The following NCAPG2 variants were observed in gnomAD, a reference collection of about 807,000 sequenced individuals.
NCAPG2 encodes the protein condensin-2 complex subunit G2.
In NCAPG2, 53 loss-of-function variants were observed where a neutral mutation model predicts 141.1. The ratio of observed to expected loss-of-function variants is 0.38; its 90% CI spans 0.30 to 0.47. The LOEUF (loss-of-function observed/expected upper bound fraction) is 0.47. Ranked by LOEUF, NCAPG2 falls within the 20% of genes least tolerant of loss-of-function variation. The pLI is 0.99. For missense variants in NCAPG2, 1,087 were observed against 1,389.0 expected, an observed-to-expected ratio of 0.78 and a Z score of 3.46; for synonymous variants, 499 against 490.7, an observed-to-expected ratio of 1.02 and a Z score of -0.22.
rs539867673 is a variant in NCAPG2 at position 158,637,604 on chromosome 7, C to T, written c.3381-5887G>A. 4.1e-4 allele frequency among the ~76,000 whole-genome samples: 62 copies of T among 152,384 alleles called. 1 individual carries two copies. In the East Asian group the frequency reaches 0.011, roughly 26 times the overall value. The stretch of plus-strand genomic sequence containing the variant: ...CAGCAGCTCCCCAGCACCTCCCCTG[C>T]GATGGCTCCACATCCCCCCGGCCCA... On this transcript the variant is annotated intron_variant, in intron 27 of 27. Transcript: ENST00000356309.
intron 13 of NCAPG2, among the ~76,000 whole-genome samples, chr7:158,667,522 T>TTACCCACTACTGGGTCCCTCCGCCCTC (rs1563539569): frequency 1.2e-4 from 2 of 16,946 alleles, no homozygotes; most frequent in African/African-American, 2.3e-4. Context: ...CCCTCCGCCC[T>TTACCCACTACTGGGTCCCTCCGCCCTC]CCTTACCTAC....
intron 1 of NCAPG2, among the ~76,000 whole-genome samples, chr7:158,703,064 A>G (rs1587325971): frequency 6.6e-6 from 1 of 152,226 alleles, no homozygotes; most frequent in Non-Finnish European, 1.5e-5. Flanking sequence ...GTAACATTCT[A>G]GGAGCAGTAG....
chr7:158,695,106 G>C (rs953349204), intron 2 of NCAPG2, among the ~76,000 whole-genome samples: 4 of 152,212 alleles, frequency 2.6e-5, no homozygotes, highest in African/African-American at 9.6e-5. Context: ...TCAATGGACA[G>C]TTTTGGTGCT....
intron 13 of NCAPG2, 65 bp downstream of exon 13, chr7:158,671,449 C>T (rs1039415446): frequency 6.3e-7 from 1 of 1,579,760 alleles, no homozygotes; most frequent in Admixed American, 1.7e-5. Context: ...AAACTACTTT[C>T]TTTCTGTTTG....
At chr7:158,692,644 G>A (rs1224406699) in intron 4 of NCAPG2, among the ~76,000 whole-genome samples, 198 bp downstream of exon 4, 2 of 152,228 alleles carry the variant, frequency 1.3e-5, no homozygotes, top group Non-Finnish European at 2.9e-5. Flanking sequence ...GGGAGGCTGA[G>A]GCAAGAGAAT....
intron 24 of NCAPG2, among the ~76,000 whole-genome samples, chr7:158,649,729 G>T (rs12540177): frequency 2.0e-5 from 3 of 151,968 alleles, no homozygotes; most frequent in Non-Finnish European, 4.4e-5. Flanking sequence ...TATGATTCAC[G>T]TAAATATTAA....
chr7:158,650,953 C>T lies in NCAPG2; in HGVS notation c.2954G>A (p.Arg985Lys). Residue 985 changes from arginine (R) to lysine (K), a missense_variant, in exon 24 of 28, where the codon AGG becomes AAG. Physicochemically the swap from Arg to Lys is conservative, Grantham distance 26. Coordinates refer to ENST00000356309, the MANE Select transcript of NCAPG2 (RefSeq NM_017760.7). ...AGCAGTAATGAACTCATGAAGAGGC[C>T]TCTGAACAGAATAAAGCAGCTACAA... is the stretch of plus-strand genomic sequence containing the variant. ...EGLRLLYSVQ[R>K]PLHEFITAVQ... 1 of 1,607,422 alleles carries T rather than the reference C, an allele frequency of 6.2e-7. No homozygotes were observed. Among genetic ancestry groups the T allele is most frequent in the Non-Finnish European group, 8.5e-7 (1 of 1,178,092 alleles).
rs73516492 is a variant in NCAPG2, at chr7:158,688,652, C to G, written c.672+1167G>C. 7.3e-3 allele frequency among the ~76,000 whole-genome samples: 1,110 copies of G among 152,334 alleles called. 43 individuals are homozygous for G. In the East Asian group the frequency reaches 0.11, roughly 16 times the overall value. ...TGCGGTTTGATACATATTACCTCAT[C>G]TGTTCCTAACAACAATCCTGTGAAA... On this transcript the variant is annotated intron_variant, in intron 6 of 27. Coordinates refer to ENST00000356309, the MANE Select transcript of NCAPG2 (RefSeq NM_017760.7).
At chr7:158,653,429 A>G (rs1294265988) in intron 22 of NCAPG2, among the ~76,000 whole-genome samples, 1 of 151,806 alleles carries the variant, frequency 6.6e-6, no homozygotes, top group Non-Finnish European at 1.5e-5. Context: ...AGCAAATAAT[A>G]TTGGTCTATT....
In NCAPG2 at chr7:158,655,351, A is replaced by G. The variant is rs751893227; in HGVS notation, c.2493T>C (p.His831=). The G allele has an allele frequency of 6.2e-7, 1 of 1,614,214 alleles. No homozygotes were observed. Among genetic ancestry groups the G allele is most frequent in the South Asian group, 1.1e-5 (1 of 91,086 alleles). ...GGAGCAGGCACACCTTGTGCTGAAG[A>G]TGGATGCTCAGGCGACAGTGGAGAC... is the stretch of plus-strand genomic sequence containing the variant. ...AFGLHCRLSI[H]LQHKFCSEGK... The change falls in exon 20 of 28, where the codon CAT becomes CAC. Residue 831 remains histidine (H), a synonymous_variant. Coordinates refer to ENST00000356309, the MANE Select transcript of NCAPG2 (RefSeq NM_017760.7).
chr7:158,656,515 A>C (rs1376492048), intron 18 of NCAPG2, 37 bp downstream of exon 18: 1 of 1,612,152 alleles, frequency 6.2e-7, no homozygotes, highest in South Asian at 1.1e-5. Flanking sequence ...AGTTATCCTC[A>C]CTCACCTAAT....
chr7:158,633,180 G>A lies in NCAPG2; in HGVS notation c.3381-1463C>T, dbSNP rs1829993132. ...TGTTGAATCACTGCTTCTCCTTGCT[G>A]TTAGGTCTCTCGGGCCTTTTCCCCC... On this transcript the variant is annotated intron_variant, in intron 27 of 27. Coordinates refer to ENST00000356309, the MANE Select transcript of NCAPG2 (RefSeq NM_017760.7). The surrounding 1 kb of genome is among the most constrained non-coding windows in gnomAD (Gnocchi z 4.1). Among the ~76,000 whole-genome samples the A allele has an allele frequency of 6.6e-6, 1 of 152,034 alleles. No individual in the cohort carries two copies. Among genetic ancestry groups the A allele is most frequent in the African/African-American group, 2.4e-5 (1 of 41,400 alleles).
chr7:158,680,190 T>C (rs996082058), intron 10 of NCAPG2, 105 bp from the exon 11 acceptor site: 1 of 1,264,246 alleles, frequency 7.9e-7, no homozygotes, highest in Non-Finnish European at 1.1e-6. Flanking sequence ...GATACAGATT[T>C]ATTTTCAAAT....
In NCAPG2 at chr7:158,651,631, T is replaced by A. The variant is rs549106925; in HGVS notation, c.2935-659A>T. 3.3e-5 allele frequency among the ~76,000 whole-genome samples: 5 copies of A among 152,330 alleles called. No homozygotes were observed. The East Asian group carries it at 9.7e-4, about 29-fold the overall frequency. ...TCTCTCTGATAACAACATCACGTGG[T>A]ACGAGAACTGACATGACATTGTTTT... is the stretch of plus-strand genomic sequence containing the variant. On this transcript the variant is annotated intron_variant, in intron 23 of 27. Transcript: ENST00000356309.
intron 6 of NCAPG2, among the ~76,000 whole-genome samples, chr7:158,688,672 G>A (rs1020403613): frequency 6.6e-6 from 1 of 152,186 alleles, no homozygotes; most frequent in African/African-American, 2.4e-5. Context: ...CAACAATCCT[G>A]TGAAACAGTA....
chr7:158,651,414 A>G (rs1482090394), intron 23 of NCAPG2, among the ~76,000 whole-genome samples: 1 of 152,210 alleles, frequency 6.6e-6, no homozygotes, highest in Non-Finnish European at 1.5e-5. Context: ...AAACAGGAAC[A>G]TTTCAAATGA....
chr7:158,675,855 A>G (rs906915129), intron 11 of NCAPG2, among the ~76,000 whole-genome samples, 199 bp from the exon 12 acceptor site: 2 of 152,194 alleles, frequency 1.3e-5, no homozygotes, highest in Admixed American at 1.3e-4. Flanking sequence ...AGCCAGAAAC[A>G]TGGGGTGCCT....
chr7:158,664,776 G>C, intron 13 of NCAPG2, 26 bp from the exon 14 acceptor site: 3 of 1,581,524 alleles, frequency 1.9e-6, no homozygotes, highest in Non-Finnish European at 2.6e-6. Context: ...ATATGCAGAA[G>C]GAAATAATCA....
Position 158,683,384 on chromosome 7 carries a change from C to A in NCAPG2, c.840G>T (p.Ala280=), listed in dbSNP as rs1466767549. 1.6e-5 allele frequency: 25 copies of A among 1,600,880 alleles called. No individual in the cohort carries two copies. The highest frequency in any genetic ancestry group is 2.1e-5 in the Non-Finnish European group (25 of 1,174,604). ...WKKASGKILE[A]IENDCIQDFM... ...AGTCCTGGATGCAATCATTTTCAAT[C>A]GCCTGAAATAACAAATGCAATGCAA... Residue 280 remains alanine (A), a splice_region_variant and synonymous_variant, in exon 9 of 28, where the codon GCG becomes GCT. Transcript: ENST00000356309.
Sources: allele counts gnomAD v4.1 joint callset (sites outside exome capture counted in the v4.1 genomes callset), GRCh38; gene constraint gnomAD v4.1.1; non-coding constraint Gnocchi (gnomAD v3.1); transcripts MANE v1.5; gene names NCBI Gene and HGNC (gene_info 2026-07-23, HGNC 2026-07-21).